Variants in TXNDC5 observed in about 807,000 individuals in gnomAD.
TXNDC5 encodes thioredoxin domain containing 5, also known as thioredoxin domain-containing protein 5.
Under a neutral mutation model 52.6 loss-of-function variants are expected in TXNDC5, and 44 were observed. The ratio of observed to expected loss-of-function variants is 0.84; its 90% confidence interval spans 0.66 to 1.08. TXNDC5 has a LOEUF of 1.08. Ranked by LOEUF, TXNDC5 falls within the 50% of genes least tolerant of loss-of-function variation. The probability of loss-of-function intolerance (pLI) is 0.00; values close to 1 mark genes in which losing one functional copy is unlikely to be tolerated. For missense variants in TXNDC5, 600 were observed against 565.5 expected, an observed-to-expected ratio of 1.06 and a Z score of -0.62; for synonymous variants, 241 against 234.4, an observed-to-expected ratio of 1.03 and a Z score of -0.26.
rs1759778159 is a variant in TXNDC5, at chr6:7,882,331, C to T, written c.*813G>A. 1 of 152,196 alleles carries T rather than the reference C, an allele frequency of 6.6e-6. No individual in the cohort carries two copies. Among genetic ancestry groups the T allele is most frequent in the Non-Finnish European group, 1.5e-5 (1 of 68,046 alleles). The allele number at this position is 152,196 out of a possible 1,614,324, so 9.4% of individuals were successfully genotyped here. The stretch of plus-strand genomic sequence containing the variant: ...AGTTAATGAGATACTGAGAATGAGC[C>T]TCGTGGAATTTTCCATGCCTACCCT... On this transcript the variant is annotated 3_prime_UTR_variant, in exon 10 of 10. Transcript: ENST00000379757.
At chr6:7,895,997 A>C (rs921481174) in intron 3 of TXNDC5, among the ~76,000 whole-genome samples, 2 of 152,134 alleles carry the variant, frequency 1.3e-5, no homozygotes, top group Non-Finnish European at 2.9e-5. Context: ...TTCCTCAAAA[A>C]ACACACAAAC....
At chr6:7,888,656 CG>C in intron 7 of TXNDC5, 48 bp downstream of exon 7, 8 of 1,519,868 alleles carry the variant, frequency 5.3e-6, no homozygotes, top group East Asian at 2.5e-5. Context: ...GGTGGGGGGC[CG>C]GGGGCCACGG....
Position 7,885,962 on chromosome 6 carries a change from A to T in TXNDC5, c.1045T>A (p.Trp349Arg). 6.2e-7 allele frequency: 1 copy of T among 1,614,076 alleles called. No individual in the cohort carries two copies. Among genetic ancestry groups the T allele is most frequent in the Non-Finnish European group, 8.5e-7 (1 of 1,179,984 alleles). ...GTTTCTAATTAAACAGCCACTTACC[A>T]TGGAGCATAAAACTTGATGAAGGTT... Reference protein sequence around the residue: ...GITFIKFYAPWCGHCKTLAPT... With the variant: ...GITFIKFYAPRCGHCKTLAPT... The change falls in exon 8 of 10, where the codon TGG becomes AGG. Residue 349 changes from tryptophan (W) to arginine (R), a missense_variant and splice_region_variant. By Grantham distance (101) the Trp-to-Arg change is moderately radical. Coordinates refer to ENST00000379757, the MANE Select transcript of TXNDC5 (RefSeq NM_030810.5).
chr6:7,884,042 C>G (rs1759864632), intron 9 of TXNDC5, among the ~76,000 whole-genome samples: 1 of 152,224 alleles, frequency 6.6e-6, no homozygotes, highest in Non-Finnish European at 1.5e-5. Flanking sequence ...GACCACTGGT[C>G]AATCATCAAG....
At chr6:7,909,967 TG>T in intron 1 of TXNDC5, 2 of 986,054 alleles carry the variant, frequency 2.0e-6, no homozygotes, top group Non-Finnish European at 2.4e-6. Flanking sequence ...ACAGGAAGTT[TG>T]GGGCGCTGGG....
At chr6:7,899,498 C>T (rs1024518195) in intron 3 of TXNDC5, 78 bp downstream of exon 3, 8 of 1,026,462 alleles carry the variant, frequency 7.8e-6, no homozygotes, top group African/African-American at 5.3e-5. Context: ...GCCTCTGCCC[C>T]GTTACATATT....
At chr6:7,900,442 T>C (rs1417304761) in intron 2 of TXNDC5, among the ~76,000 whole-genome samples, 2 of 152,116 alleles carry the variant, frequency 1.3e-5, no homozygotes, top group Non-Finnish European at 2.9e-5. Flanking sequence ...TGACTACCAA[T>C]AGAAGAAAAA....
intron 1 of TXNDC5, chr6:7,910,078 C>T: frequency 5.1e-6 from 5 of 986,150 alleles, no homozygotes; most frequent in Non-Finnish European, 6.0e-6. Context: ...CGGTTGAATT[C>T]AGGAGCGCGG....
In TXNDC5 at chr6:7,904,591, C is replaced by T. The variant is rs777559183; in HGVS notation, c.396G>A (p.Gly132=). 20 of 1,614,088 alleles carry T rather than the reference C, an allele frequency of 1.2e-5. No individual in the cohort carries two copies. The Admixed American group carries it at 3.0e-4, about 24-fold the overall frequency. The change falls in exon 2 of 10, where the codon GGG becomes GGA. Residue 132 remains glycine (G), a synonymous_variant. Transcript: ENST00000379757. ...CAACTTACGTGGGGTATCCTCGCAC[C>T]CCCTGGGCGGAGCACACGTCGGAGT... The part of the protein sequence containing the change: ...TAHSDVCSAQ[G]VRGYPTLKLF...
At chr6:7,906,535 C>CAAAAAAAAAAAAA in intron 1 of TXNDC5, among the ~76,000 whole-genome samples, 1 of 42,572 alleles carries the variant, frequency 2.3e-5, no homozygotes, top group Non-Finnish European at 3.9e-5. Flanking sequence ...GACTCCATCT[C>CAAAAAAAAAAAAA]AAAAAAAAAA....
At chr6:7,900,706 G>GC (rs1353570064) in intron 2 of TXNDC5, among the ~76,000 whole-genome samples, 1 of 152,206 alleles carries the variant, frequency 6.6e-6, no homozygotes, top group Admixed American at 6.5e-5. Context: ...GGAAGTCTGA[G>GC]ATCAAGGTGC....
intron 1 of TXNDC5, chr6:7,910,202 T>C (rs2567230): frequency 0.51 from 481,972 of 952,110 alleles, 125,358 homozygotes; most frequent in East Asian, 0.78. Flanking sequence ...AGCTCACGCC[T>C]CCCGACCCGG....
intron 7 of TXNDC5, among the ~76,000 whole-genome samples, chr6:7,887,927 A>T (rs1362740673): frequency 1.3e-5 from 2 of 151,934 alleles, no homozygotes; most frequent in Non-Finnish European, 2.9e-5. Context: ...GATCCCGTCA[A>T]TCAGCTCCTT....
chr6:7,893,102 A>G (rs904563043), intron 4 of TXNDC5, among the ~76,000 whole-genome samples: 10 of 152,356 alleles, frequency 6.6e-5, no homozygotes, highest in African/African-American at 2.4e-4. Context: ...TACGGGGAAA[A>G]AAACAAACAA....
In TXNDC5 at chr6:7,888,826, C is replaced by T. The variant is rs770656935; in HGVS notation, c.842G>A (p.Arg281Gln). ...GKKVDQYKGK[R>Q]DLESLREYVE... is the part of the protein sequence containing the mutation. ...GTACTCCCTCAGTGACTCCAAATCC[C>T]GCTTTCCCTTGTACTGATCCACCTG... is the stretch of plus-strand genomic sequence containing the variant. The change falls in exon 7 of 10, where the codon CGG becomes CAG. Residue 281 changes from arginine to glutamine, a missense_variant. Coordinates refer to ENST00000379757, the MANE Select transcript of TXNDC5 (RefSeq NM_030810.5). 5.6e-6 allele frequency: 9 copies of T among 1,613,694 alleles called. No individual in the cohort carries two copies. The highest frequency in any genetic ancestry group is 4.5e-5 in the East Asian group (2 of 44,864).
chr6:7,884,190 C>T (rs552305327), intron 9 of TXNDC5, among the ~76,000 whole-genome samples, 169 bp downstream of exon 9: 3 of 152,062 alleles, frequency 2.0e-5, no homozygotes, highest in Non-Finnish European at 4.4e-5. Context: ...GAATGCCTTC[C>T]CTTTGAGAGA....
intron 9 of TXNDC5, among the ~76,000 whole-genome samples, chr6:7,883,632 C>T (rs35264740): frequency 0.014 from 2,128 of 152,246 alleles, 17 homozygotes; most frequent in Middle Eastern, 0.031. Flanking sequence ...CCTGGCGATG[C>T]CCTGGTGGTC....
At chr6:7,894,397 A>G (rs1329687660) in intron 4 of TXNDC5, among the ~76,000 whole-genome samples, 2 of 152,078 alleles carry the variant, frequency 1.3e-5, no homozygotes, top group East Asian at 1.9e-4. Flanking sequence ...ACTGTGCCCA[A>G]TCTAAATTCT....
At chr6:7,889,652 C>T (rs1393985189) in intron 5 of TXNDC5, 71 bp from the exon 6 acceptor site, 4 of 1,168,884 alleles carry the variant, frequency 3.4e-6, no homozygotes, top group South Asian at 1.3e-5. Context: ...GGCTACTGGA[C>T]ACTTTGTACG....
Sources: gnomAD v4.1 joint callset for allele counts (sites outside exome capture counted in the v4.1 genomes callset) on GRCh38, gnomAD v4.1.1 for gene constraint, MANE v1.5 for transcripts, NCBI Gene and HGNC (gene_info 2026-07-23, HGNC 2026-07-21) for gene names.